The following RPS10 variants were observed in gnomAD, a reference collection of about 807,000 sequenced individuals.
The protein encoded by RPS10 is ribosomal protein S10.
RPS10 carries 2 observed loss-of-function variants against 22.6 expected under a neutral mutation model. The observed-to-expected ratio is 0.09, with a 90% CI of 0.04 to 0.28. The LOEUF is 0.28. RPS10 is among the 10% of genes least tolerant of loss of function. The pLI is 1.00. For synonymous variants in RPS10, 70 were observed against 75.9 expected (o/e 0.92, Z 0.40); for missense variants, 137 against 222.2 (o/e 0.62, Z 2.44).
Position 34,417,470 on chromosome 6 carries a change from G to C in RPS10, c.*36C>G, listed in dbSNP as rs370136285. 1.2e-5 allele frequency: 19 copies of C among 1,590,158 alleles called. No individual in the cohort carries two copies. In the African/African-American group the frequency reaches 2.4e-4, roughly 20 times the overall value. Reference sequence around the variant, plus strand: ...GACAAAAGATTAAGGTTTTTTGGCTGTAAGTTTATTCAATGCAAAAGAATC... The same window carrying C: ...GACAAAAGATTAAGGTTTTTTGGCTCTAAGTTTATTCAATGCAAAAGAATC... On this transcript the variant is annotated 3_prime_UTR_variant, in exon 6 of 6. Transcript: ENST00000648437.
At chr6:34,424,982 AG>A (rs1307524593) in intron 2 of RPS10, 89 bp downstream of exon 2, 10 of 1,609,496 alleles carry the variant, frequency 6.2e-6, no homozygotes, top group Non-Finnish European at 8.5e-6. Flanking sequence ...CTTGAACCTT[AG>A]GGGAAGATCC....
chr6:34,422,471 C>T (rs1349199552), intron 3 of RPS10, among the ~76,000 whole-genome samples: 3 of 152,158 alleles, frequency 2.0e-5, no homozygotes, highest in Non-Finnish European at 4.4e-5. Context: ...CGTGCCACCA[C>T]GCACGGCTAC....
At chr6:34,418,030 A>T in intron 5 of RPS10, 1 of 722,014 alleles carries the variant, frequency 1.4e-6, no homozygotes, top group Non-Finnish European at 2.3e-6. Flanking sequence ...ACCTAACATT[A>T]CATCAACTGA....
chr6:34,423,421 T>C (rs1765835455), intron 3 of RPS10, among the ~76,000 whole-genome samples: 1 of 152,210 alleles, frequency 6.6e-6, no homozygotes, highest in Admixed American at 6.5e-5. Context: ...AATGAGTCAC[T>C]GCACTCAGGC....
intron 3 of RPS10, 139 bp downstream of exon 3, chr6:34,424,530 T>C: frequency 8.5e-7 from 1 of 1,182,454 alleles, no homozygotes; most frequent in Non-Finnish European, 1.2e-6. Context: ...TCCCAAGCCA[T>C]GGGACAAAGG....
chr6:34,422,322 T>C (rs1211143882), intron 3 of RPS10, among the ~76,000 whole-genome samples: 3 of 152,152 alleles, frequency 2.0e-5, no homozygotes, highest in Non-Finnish European at 4.4e-5. Flanking sequence ...TATTATTTAT[T>C]ATCTTTTTGT....
chr6:34,421,740 A>G lies in RPS10; in HGVS notation c.390T>C (p.Ser130=), dbSNP rs1765776492. The part of the protein sequence containing the change: ...GEADRDTYRR[S]AVPPGADKKA... ...GATGCATTTACTCACGTGGCACAGC[A>G]CTCCGTCTGTAGGTATCTCTGTCAG... Residue 130 remains serine, a synonymous_variant, in exon 4 of 6, where the codon AGT becomes AGC. Transcript: ENST00000648437. 1 of 1,613,592 alleles carries G rather than the reference A, an allele frequency of 6.2e-7. No homozygotes were observed. Among genetic ancestry groups the G allele is most frequent in the Non-Finnish European group, 8.5e-7 (1 of 1,179,794 alleles).
At chr6:34,418,294 C>A (rs1581922552) in intron 5 of RPS10, 75 bp downstream of exon 5, 6 of 1,611,078 alleles carry the variant, frequency 3.7e-6, no homozygotes, top group South Asian at 1.1e-5. Flanking sequence ...TATGACATCC[C>A]CACAACTTGC....
At chr6:34,420,502 G>C (rs188438870) in intron 4 of RPS10, among the ~76,000 whole-genome samples, 16 of 152,212 alleles carry the variant, frequency 1.1e-4, no homozygotes, top group Admixed American at 5.9e-4. Context: ...ACAGGCATGA[G>C]CCACTGTGCC....
At chr6:34,424,333 T>G (rs1334563075) in intron 3 of RPS10, 2 of 324,824 alleles carry the variant, frequency 6.2e-6, no homozygotes, top group Non-Finnish European at 1.2e-5. Context: ...TCTTTCGAGG[T>G]GGTAAATGGC....
At chr6:34,418,838 G>C (rs2113795753) in intron 4 of RPS10, among the ~76,000 whole-genome samples, 1 of 152,228 alleles carries the variant, frequency 6.6e-6, no homozygotes, top group South Asian at 2.1e-4. Flanking sequence ...CTATATCCCA[G>C]TCACAGTTCA....
chr6:34,418,111 A>G, intron 5 of RPS10: 1 of 1,356,564 alleles, frequency 7.4e-7, no homozygotes, highest in Non-Finnish European at 9.8e-7. Context: ...GTTTAGTTCA[A>G]TGTCAAGCAT....
intron 3 of RPS10, among the ~76,000 whole-genome samples, chr6:34,423,756 C>T (rs1248367678): frequency 1.3e-5 from 2 of 152,030 alleles, no homozygotes; most frequent in Non-Finnish European, 1.5e-5. Context: ...TCGCTCTGGG[C>T]GCCTATAATC....
At chr6:34,425,661 G>A (rs995879110) in intron 1 of RPS10, 2 of 225,924 alleles carry the variant, frequency 8.9e-6, no homozygotes, top group East Asian at 1.1e-4. Flanking sequence ...AAAGGGCTAA[G>A]GCCTTCGCAC....
At chr6:34,418,332 G>GTGA (rs1561936620) in intron 5 of RPS10, 37 bp downstream of exon 5, 7 of 1,614,004 alleles carry the variant, frequency 4.3e-6, no homozygotes, top group Non-Finnish European at 5.9e-6. Context: ...GCCAGAACAA[G>GTGA]TGATGGCTCA....
chr6:34,420,908 T>C (rs1019927486), intron 4 of RPS10, among the ~76,000 whole-genome samples: 1 of 151,262 alleles, frequency 6.6e-6, no homozygotes, highest in African/African-American at 2.4e-5. Flanking sequence ...CTCGGGAGGC[T>C]GAGGCAGGAG....
rs1304453546 is a variant in RPS10 at position 34,418,036 on chromosome 6, AC to A, written c.456+332del. 3 of 752,620 alleles carry A rather than the reference AC, an allele frequency of 4.0e-6. No homozygotes were observed. The East Asian group carries it at 8.0e-5, about 20-fold the overall frequency. The allele number at this position is 752,620 out of a possible 1,614,324, so 46.6% of individuals were successfully genotyped here. On this transcript the variant is annotated intron_variant, in intron 5 of 5. Coordinates refer to ENST00000648437, the MANE Select transcript of RPS10 (RefSeq NM_001014.5). ...GGGGAACCTACCTAACATTACATCA[AC>A]TGAAAAAAGATGGAGGATTTGATTT...
rs1325548716 is a variant in RPS10 at position 34,424,682 on chromosome 6, C to T, written c.309G>A (p.Arg103=). 2 of 1,614,152 alleles carry T rather than the reference C, an allele frequency of 1.2e-6. No homozygotes were observed. Among genetic ancestry groups the T allele is most frequent in the Admixed American group, 1.7e-5 (1 of 60,012 alleles). Reference sequence around the variant, plus strand: ...TGGGAACCATACCTTTAGGCCGAGGCCTGCCAGTCTCTGGACGGCTACGGC... The same window carrying T: ...TGGGAACCATACCTTTAGGCCGAGGTCTGCCAGTCTCTGGACGGCTACGGC... The part of the protein sequence containing the change: ...TLRRSRPETG[R]PRPKGLEGER... Residue 103 remains arginine (R), a synonymous_variant, in exon 3 of 6, where the codon AGG becomes AGA. Coordinates refer to ENST00000648437, the MANE Select transcript of RPS10 (RefSeq NM_001014.5).
At chr6:34,420,023 T>C (rs1581924820) in intron 4 of RPS10, among the ~76,000 whole-genome samples, 1 of 152,128 alleles carries the variant, frequency 6.6e-6, no homozygotes, top group East Asian at 1.9e-4. Context: ...GCTGGGACTA[T>C]AGGCACATAC....
Sources: allele counts gnomAD v4.1 joint callset (sites outside exome capture counted in the v4.1 genomes callset), GRCh38; gene constraint gnomAD v4.1.1; transcripts MANE v1.5; gene names NCBI Gene and HGNC (gene_info 2026-07-23, HGNC 2026-07-21).